The following PRMT3 variants were observed in gnomAD, a reference collection of about 807,000 sequenced individuals.
The protein encoded by PRMT3 is protein arginine methyltransferase 3, also known as protein arginine N-methyltransferase 3.
A neutral mutation model predicts 71.9 loss-of-function variants in PRMT3; 62 were observed. That is an observed-to-expected ratio of 0.86 (90% CI 0.70 to 1.07). PRMT3 has a LOEUF of 1.07. PRMT3 is among the 50% of genes least tolerant of loss of function. The pLI, the probability that PRMT3 is intolerant of heterozygous loss-of-function variation, is 0.00. For missense variants in PRMT3, 663 were observed against 643.0 expected (o/e 1.03, Z -0.34); for synonymous variants, 213 against 220.4 (o/e 0.97, Z 0.30).
intron 12 of PRMT3, 79 bp from the exon 13 acceptor site, chr11:20,464,381 T>G: frequency 2.0e-6 from 3 of 1,471,500 alleles, no homozygotes; most frequent in Non-Finnish European, 2.7e-6. Flanking sequence ...TTTGTCTGGG[T>G]TGTTTTTGTT....
chr11:20,424,441 GT>G (rs1849497782), intron 9 of PRMT3, among the ~76,000 whole-genome samples: 1 of 152,156 alleles, frequency 6.6e-6, no homozygotes, highest in Non-Finnish European at 1.5e-5. Context: ...GTTAGTGATA[GT>G]TTTCCCAACA....
At chr11:20,463,983 A>G (rs904473715) in intron 12 of PRMT3, among the ~76,000 whole-genome samples, 3 of 152,220 alleles carry the variant, frequency 2.0e-5, no homozygotes, top group Non-Finnish European at 4.4e-5. Context: ...ATAGACATGA[A>G]TTTTAAAACA....
chr11:20,425,455 C>T (rs750021684), intron 9 of PRMT3, among the ~76,000 whole-genome samples: 2 of 152,094 alleles, frequency 1.3e-5, no homozygotes, highest in Non-Finnish European at 2.9e-5. Flanking sequence ...ATGTTTATAC[C>T]AGCTTTATTC....
At position 20,464,436 on chromosome 11, in the gene PRMT3, TCTTCA is replaced by T; in HGVS notation, c.1261-19_1261-15del. 6.4e-7 allele frequency: 1 copy of T among 1,559,096 alleles called. No individual in the cohort carries two copies. Among genetic ancestry groups the T allele is most frequent in the Non-Finnish European group, 8.6e-7 (1 of 1,158,810 alleles). ...TTTGGACTATTTTTACTAAGCTCTT[TCTTCA>T]CTTCTTTTTAATGGGTAGCATATAG... On this transcript the variant is annotated intron_variant, in intron 12 of 15. Coordinates refer to ENST00000331079, the MANE Select transcript of PRMT3 (RefSeq NM_005788.4).
chr11:20,485,820 A>G (rs1338324900), intron 13 of PRMT3, among the ~76,000 whole-genome samples: 1 of 152,242 alleles, frequency 6.6e-6, no homozygotes, highest in Non-Finnish European at 1.5e-5. Flanking sequence ...GCAACAATTT[A>G]AGAAGTCAAC....
chr11:20,389,953 AC>A (rs1848676900), intron 3 of PRMT3, 127 bp downstream of exon 3: 2 of 636,444 alleles, frequency 3.1e-6, no homozygotes, highest in Non-Finnish European at 5.5e-6. Flanking sequence ...GGAGTTCAAG[AC>A]CAGCCTGGCC....
At chr11:20,496,578 G>T (rs940272122) in intron 15 of PRMT3, among the ~76,000 whole-genome samples, 9 of 138,156 alleles carry the variant, frequency 6.5e-5, no homozygotes, top group Admixed American at 3.2e-4. Flanking sequence ...CAGCATAGTG[G>T]TTACCTCTGG....
intron 10 of PRMT3, among the ~76,000 whole-genome samples, chr11:20,442,771 A>G (rs1023253772): frequency 1.6e-4 from 25 of 152,250 alleles, no homozygotes; most frequent in African/African-American, 6.0e-4. Context: ...TGTATAGACA[A>G]TTACATTCTA....
intron 13 of PRMT3, among the ~76,000 whole-genome samples, chr11:20,472,555 C>T (rs1054639597): frequency 3.3e-5 from 5 of 152,148 alleles, no homozygotes; most frequent in African/African-American, 1.2e-4. Context: ...CCAACTTGTG[C>T]TGCTGAATTC....
intron 15 of PRMT3, among the ~76,000 whole-genome samples, chr11:20,504,707 T>TGTGTGTGTGAGAGAGA (rs1332372470): frequency 2.2e-5 from 3 of 133,590 alleles, no homozygotes; most frequent in African/African-American, 9.1e-5. Context: ...TGTGTGTGTG[T>TGTGTGTGTGAGAGAGA]GAGAGAGAGA....
chr11:20,397,993 G>T, intron 7 of PRMT3, among the ~76,000 whole-genome samples: 1 of 129,200 alleles, frequency 7.7e-6, no homozygotes. Context: ...GGGCAATACA[G>T]TGAGACCCTG....
chr11:20,481,048 GA>G (rs1850919332), intron 13 of PRMT3, among the ~76,000 whole-genome samples: 1 of 152,082 alleles, frequency 6.6e-6, no homozygotes, highest in African/African-American at 2.4e-5. Flanking sequence ...AACATTTTAT[GA>G]AAGACTTTTT....
At chr11:20,404,216 T>G (rs1339742355) in intron 8 of PRMT3, among the ~76,000 whole-genome samples, 4 of 13,348 alleles carry the variant, frequency 3.0e-4, no homozygotes, top group African/African-American at 7.4e-4. Context: ...TCATAGTTTT[T>G]TTTTTTTTTT....
Position 20,397,640 on chromosome 11 carries a change from C to A in PRMT3, c.624C>A (p.Val208=). Residue 208 remains valine, a synonymous_variant, in exon 7 of 16, where the codon GTC becomes GTA. Coordinates refer to ENST00000331079, the MANE Select transcript of PRMT3 (RefSeq NM_005788.4). ...GAACCTGCTCGTCATCTACTAGTGT[C>A]ATTGCGGACCTCCAGGAGGATGAGG... ...DVRTCSSSTS[V]IADLQEDEDG... 1 of 1,614,098 alleles carries A rather than the reference C, an allele frequency of 6.2e-7. No homozygotes were observed.
At chr11:20,487,102 A>G (rs1031687854) in intron 13 of PRMT3, among the ~76,000 whole-genome samples, 2 of 151,990 alleles carry the variant, frequency 1.3e-5, no homozygotes, top group African/African-American at 2.4e-5. Flanking sequence ...AAATAAAGAT[A>G]TTTTCAGATA....
intron 15 of PRMT3, among the ~76,000 whole-genome samples, chr11:20,502,861 A>G (rs1851490796): frequency 6.6e-6 from 1 of 152,176 alleles, no homozygotes; most frequent in Non-Finnish European, 1.5e-5. Flanking sequence ...AGTAAGGTAA[A>G]TGCACCAGAT....
At chr11:20,401,028 C>T (rs1848937593) in intron 7 of PRMT3, among the ~76,000 whole-genome samples, 1 of 151,504 alleles carries the variant, frequency 6.6e-6, no homozygotes, top group South Asian at 2.1e-4. Context: ...ATATACAAGA[C>T]ACTATGTTTT....
chr11:20,486,500 G>A (rs1309995308), intron 13 of PRMT3, among the ~76,000 whole-genome samples: 1 of 152,098 alleles, frequency 6.6e-6, no homozygotes, highest in Non-Finnish European at 1.5e-5. Flanking sequence ...GAATACAGCT[G>A]TGAAACCCAC....
At chr11:20,450,358 A>G (rs1343817777) in intron 10 of PRMT3, among the ~76,000 whole-genome samples, 1 of 152,168 alleles carries the variant, frequency 6.6e-6, no homozygotes, top group Non-Finnish European at 1.5e-5. Flanking sequence ...ATTCACTATA[A>G]GCAACAGTTG....
Sources: gnomAD v4.1 joint callset for allele counts (sites outside exome capture counted in the v4.1 genomes callset) on GRCh38, gnomAD v4.1.1 for gene constraint, MANE v1.5 for transcripts, NCBI Gene and HGNC (gene_info 2026-07-23, HGNC 2026-07-21) for gene names.